Variants in ASPRV1 observed in about 807,000 individuals in gnomAD.
ASPRV1 encodes the protein aspartic peptidase retroviral like 1, also known as retroviral-like aspartic protease 1.
ASPRV1 carries 7 observed loss-of-function variants against 11.0 expected under a neutral mutation model. The ratio of observed to expected loss-of-function variants is 0.64; its 90% CI spans 0.36 to 1.20. The LOEUF is 1.20. Ranked by LOEUF, ASPRV1 falls within the 50% of genes most tolerant of loss-of-function variation. ASPRV1 has a pLI of 0.02. For synonymous variants in ASPRV1, 136 were observed against 138.4 expected (o/e 0.98, Z 0.12); for missense variants, 299 against 320.0 (o/e 0.93, Z 0.50).
At chr2:70,018,819 C>G in the ASPRV1 span, among the ~76,000 whole-genome samples, 2 of 152,158 alleles carry the variant, frequency 1.3e-5, no homozygotes, top group African/African-American at 4.8e-5. Flanking sequence ...TGTAACACTA[C>G]TAGAAGAAAG....
At chr2:70,065,121 A>C in the ASPRV1 span, among the ~76,000 whole-genome samples, 47 of 151,552 alleles carry the variant, frequency 3.1e-4, no homozygotes, top group African/African-American at 1.1e-3. Context: ...AAACAAAAAA[A>C]AGGCCAGGTG....
At chr2:70,068,966 A>G in the ASPRV1 span, among the ~76,000 whole-genome samples, 1 of 150,800 alleles carries the variant, frequency 6.6e-6, no homozygotes, top group Non-Finnish European at 1.5e-5. Context: ...AAAAAAAAAA[A>G]AAAGCCTTTC....
At chr2:70,030,055 C>T in the ASPRV1 span, 1 of 152,198 alleles carries the variant, frequency 6.6e-6, no homozygotes, top group African/African-American at 2.4e-5. Context: ...TAATTGCTGA[C>T]TTGAAAAACT....
chr2:70,082,866 C>T, the ASPRV1 span, among the ~76,000 whole-genome samples: 1 of 152,044 alleles, frequency 6.6e-6, no homozygotes. Flanking sequence ...TACACTCCAG[C>T]ATGGGTGACA....
the ASPRV1 span, among the ~76,000 whole-genome samples, chr2:70,042,483 G>T: frequency 2.0e-5 from 3 of 152,190 alleles, no homozygotes; most frequent in Non-Finnish European, 2.9e-5. Context: ...GTCCTGGACA[G>T]GGTTAGGAAG....
At chr2:69,948,304 C>T in the ASPRV1 span, among the ~76,000 whole-genome samples, 1 of 152,178 alleles carries the variant, frequency 6.6e-6, no homozygotes, top group Admixed American at 6.5e-5. Context: ...ACACCATCCT[C>T]GGCCCCACCA....
At chr2:70,008,080 C>T in the ASPRV1 span, among the ~76,000 whole-genome samples, 2 of 152,074 alleles carry the variant, frequency 1.3e-5, no homozygotes, top group Admixed American at 1.3e-4. Context: ...AAGTGATCTG[C>T]CCACCTCAGC....
the ASPRV1 span, among the ~76,000 whole-genome samples, chr2:69,954,258 G>T: frequency 2.6e-5 from 4 of 152,114 alleles, no homozygotes; most frequent in Non-Finnish European, 5.9e-5. Flanking sequence ...AATCAATCAT[G>T]GCATCTTGCT....
At chr2:70,030,303 G>A in the ASPRV1 span, 1 of 152,398 alleles carries the variant, frequency 6.6e-6, no homozygotes, top group South Asian at 2.1e-4. Flanking sequence ...TGAGCTCTGA[G>A]TGGGGCTCCA....
chr2:70,037,584 A>C, the ASPRV1 span, among the ~76,000 whole-genome samples: 9 of 152,286 alleles, frequency 5.9e-5, no homozygotes, highest in East Asian at 1.7e-3. Flanking sequence ...ATGCTTTGTT[A>C]GTCACATTTG....
chr2:70,003,714 T>G, the ASPRV1 span, among the ~76,000 whole-genome samples: 1 of 152,224 alleles, frequency 6.6e-6, no homozygotes, highest in South Asian at 2.1e-4. Flanking sequence ...ACGAGGGTTG[T>G]GCTGCGGTTT....
the ASPRV1 span, chr2:69,937,306 G>A: frequency 1.2e-6 from 2 of 1,614,226 alleles, no homozygotes; most frequent in East Asian, 2.2e-5. Flanking sequence ...GACACCTGAA[G>A]AGGCAGCTGG....
chr2:70,005,519 C>A, the ASPRV1 span, among the ~76,000 whole-genome samples: 2 of 152,256 alleles, frequency 1.3e-5, no homozygotes, highest in African/African-American at 4.8e-5. Context: ...TCATTAACTT[C>A]TTTTATCTTA....
At chr2:69,948,780 C>G in the ASPRV1 span, among the ~76,000 whole-genome samples, 6 of 152,158 alleles carry the variant, frequency 3.9e-5, no homozygotes, top group African/African-American at 1.4e-4. Flanking sequence ...TCTGCCCACG[C>G]CCCCCGCCTC....
At chr2:70,065,138 G>A in the ASPRV1 span, among the ~76,000 whole-genome samples, 6 of 151,542 alleles carry the variant, frequency 4.0e-5, no homozygotes, top group African/African-American at 1.5e-4. Context: ...GGTGCGGTGG[G>A]TGGCTCATGC....
chr2:69,998,659 GC>G, the ASPRV1 span, among the ~76,000 whole-genome samples: 109 of 152,022 alleles, frequency 7.2e-4, no homozygotes, highest in African/African-American at 2.4e-3. Context: ...AACCCGGGAG[GC>G]GGATCTTGCA....
chr2:70,029,638 A>AAAAAC, the ASPRV1 span, among the ~76,000 whole-genome samples: 197 of 152,274 alleles, frequency 1.3e-3, 1 homozygote, highest in African/African-American at 4.3e-3. Flanking sequence ...ACTCCGTCTC[A>AAAAAC]AAAACAAAAC....
upstream of ASPRV1, among the ~76,000 whole-genome samples, chr2:69,966,363 A>G (rs1678340253): frequency 6.6e-6 from 1 of 152,088 alleles, no homozygotes; most frequent in South Asian, 2.1e-4. Context: ...CCCACCCTAG[A>G]CCAAGCCGTC....
At chr2:69,946,866 G>A in the ASPRV1 span, among the ~76,000 whole-genome samples, 9 of 152,074 alleles carry the variant, frequency 5.9e-5, no homozygotes, top group African/African-American at 1.9e-4. Context: ...AGGTCAAAAC[G>A]ACCCTAAGAC....
Sources: allele counts gnomAD v4.1 joint callset (sites outside exome capture counted in the v4.1 genomes callset), GRCh38; gene constraint gnomAD v4.1.1; transcripts MANE v1.5; gene names NCBI Gene and HGNC (gene_info 2026-07-23, HGNC 2026-07-21).